The following ZFPM2 variants were observed in gnomAD, a reference collection of about 807,000 sequenced individuals.
ZFPM2 encodes zinc finger protein, FOG family member 2.
In ZFPM2, 20 loss-of-function variants were observed where a neutral mutation model predicts 98.6. That is an observed-to-expected ratio of 0.20 (90% CI 0.14 to 0.29). ZFPM2 has a LOEUF of 0.29. Among genes scored for constraint, ZFPM2 ranks in the 10% least tolerant of loss-of-function variants. ZFPM2 has a pLI of 1.00. For synonymous variants in ZFPM2, 518 were observed against 502.7 expected, an observed-to-expected ratio of 1.03 and a Z score of -0.41; for missense variants, 1,310 against 1,388.6, an observed-to-expected ratio of 0.94 and a Z score of 0.90.
chr8:105,389,299 G>C (rs1160559402), intron 1 of ZFPM2, among the ~76,000 whole-genome samples: 1 of 151,924 alleles, frequency 6.6e-6, no homozygotes, highest in Non-Finnish European at 1.5e-5. Flanking sequence ...GATCTTAGAA[G>C]ATCACTAGAA....
chr8:105,776,983 C>T (rs912699282), intron 5 of ZFPM2, among the ~76,000 whole-genome samples: 7 of 152,208 alleles, frequency 4.6e-5, no homozygotes, highest in African/African-American at 1.7e-4. Flanking sequence ...ATCCATTTAT[C>T]TCCCTGCTTC....
At chr8:105,782,403 A>G (rs145911175) in intron 5 of ZFPM2, 1 of 152,252 alleles carries the variant, frequency 6.6e-6, no homozygotes, top group Non-Finnish European at 1.5e-5. Flanking sequence ...AGTGCTCTTC[A>G]TAGTTCATCT....
intron 3 of ZFPM2, among the ~76,000 whole-genome samples, chr8:105,496,034 A>G (rs1586415333): frequency 6.6e-6 from 1 of 152,266 alleles, no homozygotes; most frequent in East Asian, 1.9e-4. Flanking sequence ...TAACATGGAT[A>G]CAATGCTATT....
intron 3 of ZFPM2, among the ~76,000 whole-genome samples, chr8:105,551,042 G>A (rs951510467): frequency 2.0e-5 from 3 of 152,156 alleles, no homozygotes; most frequent in Non-Finnish European, 4.4e-5. Context: ...GGTATTTTCT[G>A]AAATGAATAA....
In ZFPM2 at chr8:105,334,428, G is replaced by C. The variant is rs115553259; in HGVS notation, c.40+15447G>C. 6.2e-3 allele frequency among the ~76,000 whole-genome samples: 936 copies of C among 151,694 alleles called. 15 individuals are homozygous for C. Among genetic ancestry groups the C allele is most frequent in the African/African-American group, 0.021 (883 of 41,438 alleles). On this transcript the variant is annotated intron_variant, in intron 1 of 7. Transcript: ENST00000407775. ...GAATATACCAAAAGTGAGCACTCAA[G>C]TGAAGATTATGCTCACTTTTACTTT...
intron 5 of ZFPM2, among the ~76,000 whole-genome samples, chr8:105,754,983 T>TGC (rs1554578730): frequency 2.2e-4 from 33 of 147,922 alleles, no homozygotes; most frequent in African/African-American, 7.3e-4. Context: ...TGTGTGTGTG[T>TGC]GCACGTGCGC....
chr8:105,489,811 C>A (rs1275251179), intron 3 of ZFPM2, among the ~76,000 whole-genome samples: 1 of 151,938 alleles, frequency 6.6e-6, no homozygotes, highest in Non-Finnish European at 1.5e-5. Flanking sequence ...TAACTAAAAT[C>A]ATAAGAAATT....
chr8:105,481,047 G>T (rs1422752033), intron 3 of ZFPM2, among the ~76,000 whole-genome samples: 1 of 152,162 alleles, frequency 6.6e-6, no homozygotes, highest in African/African-American at 2.4e-5. Flanking sequence ...ACCATGCCTG[G>T]CTGGGATTAC....
intron 5 of ZFPM2, among the ~76,000 whole-genome samples, chr8:105,655,502 A>G (rs1201816664): frequency 6.6e-6 from 1 of 152,150 alleles, no homozygotes; most frequent in Non-Finnish European, 1.5e-5. Context: ...AAGTGCTGGG[A>G]TTACAGGCAT....
chr8:105,555,976 C>A (rs1184306386), intron 3 of ZFPM2, among the ~76,000 whole-genome samples: 4 of 152,044 alleles, frequency 2.6e-5, no homozygotes, highest in Non-Finnish European at 5.9e-5. Flanking sequence ...CAGTAGAACG[C>A]AAGAGTCAGG....
At chr8:105,333,721 C>A (rs1286000264) in intron 1 of ZFPM2, among the ~76,000 whole-genome samples, 1 of 151,290 alleles carries the variant, frequency 6.6e-6, no homozygotes, top group African/African-American at 2.4e-5. Flanking sequence ...ATGGTATAAC[C>A]CTCTCAGGTG....
intron 3 of ZFPM2, among the ~76,000 whole-genome samples, chr8:105,458,868 CTG>C (rs1413737713): frequency 1.3e-5 from 2 of 150,334 alleles, no homozygotes; most frequent in Admixed American, 1.3e-4. Flanking sequence ...TTTTTTTACT[CTG>C]TAAGTTGAAT....
chr8:105,725,551 A>G (rs1003939556), intron 5 of ZFPM2, among the ~76,000 whole-genome samples: 2 of 151,788 alleles, frequency 1.3e-5, no homozygotes, highest in African/African-American at 4.8e-5. Flanking sequence ...GGTACTACTC[A>G]TAATTATACC....
At chr8:105,691,782 C>T (rs980911112) in intron 5 of ZFPM2, among the ~76,000 whole-genome samples, 17 of 152,240 alleles carry the variant, frequency 1.1e-4, no homozygotes, top group Non-Finnish European at 1.0e-4. Context: ...TTCATTAGTA[C>T]GTAGAATAGT....
chr8:105,582,955 A>G (rs920599887), intron 4 of ZFPM2, among the ~76,000 whole-genome samples: 5 of 152,130 alleles, frequency 3.3e-5, no homozygotes, highest in Non-Finnish European at 7.4e-5. Context: ...GTGACTGTCT[A>G]TGTTGCTCGT....
At chr8:105,333,077 A>G (rs1038521114) in intron 1 of ZFPM2, among the ~76,000 whole-genome samples, 1 of 151,706 alleles carries the variant, frequency 6.6e-6, no homozygotes, top group African/African-American at 2.4e-5. Context: ...CCAAATTCCA[A>G]TTTGGAAATG....
chr8:105,410,104 A>G (rs1488343694), intron 1 of ZFPM2, among the ~76,000 whole-genome samples: 1 of 151,930 alleles, frequency 6.6e-6, no homozygotes, highest in African/African-American at 2.4e-5. Flanking sequence ...AAATTGACCT[A>G]CTTGATGAAA....
intron 3 of ZFPM2, among the ~76,000 whole-genome samples, chr8:105,523,195 G>A (rs766809451): frequency 3.9e-5 from 6 of 152,012 alleles, no homozygotes; most frequent in African/African-American, 7.2e-5. Flanking sequence ...ACAAATGTTA[G>A]GTACTATTTC....
chr8:105,569,897 AT>A, intron 4 of ZFPM2, among the ~76,000 whole-genome samples: 1 of 152,122 alleles, frequency 6.6e-6, no homozygotes, highest in Admixed American at 6.6e-5. Context: ...CTTGGATAAG[AT>A]CAGTCAGATT....
Sources: gnomAD v4.1 joint callset for allele counts (sites outside exome capture counted in the v4.1 genomes callset) on GRCh38, gnomAD v4.1.1 for gene constraint, MANE v1.5 for transcripts, NCBI Gene and HGNC (gene_info 2026-07-23, HGNC 2026-07-21) for gene names.